Variants in GRM7 observed in about 807,000 individuals in gnomAD.
The protein encoded by GRM7 is glutamate metabotropic receptor 7.
A neutral mutation model predicts 84.5 loss-of-function variants in GRM7; 35 were observed. The observed-to-expected ratio is 0.41, with a 90% CI of 0.32 to 0.55. The LOEUF is 0.55. Ranked by LOEUF, GRM7 falls within the 20% of genes least tolerant of loss-of-function variation. The pLI, the probability that GRM7 is intolerant of heterozygous loss-of-function variation, is 0.19. For synonymous variants in GRM7, 487 were observed against 455.1 expected (o/e 1.07, Z -0.89); for missense variants, 1,003 against 1,194.6 (o/e 0.84, Z 2.36).
intron 8 of GRM7, among the ~76,000 whole-genome samples, chr3:7,615,626 C>G (rs1370365815): frequency 2.0e-5 from 3 of 152,010 alleles, no homozygotes; most frequent in Non-Finnish European, 4.4e-5. Flanking sequence ...GGGTATATTT[C>G]TATGTAGTCT....
chr3:7,644,637 G>A (rs956354557), intron 8 of GRM7, among the ~76,000 whole-genome samples: 5 of 152,186 alleles, frequency 3.3e-5, no homozygotes, highest in Non-Finnish European at 5.9e-5. Context: ...TGAAAGGGTA[G>A]TCCTGGGAAT....
intron 1 of GRM7, among the ~76,000 whole-genome samples, chr3:6,992,538 G>C (rs1694679438): frequency 6.6e-6 from 1 of 152,188 alleles, no homozygotes; most frequent in African/African-American, 2.4e-5. Context: ...ACTATTTACA[G>C]AGCTGTGGAT....
At chr3:6,994,537 T>A (rs769647025) in intron 1 of GRM7, among the ~76,000 whole-genome samples, 22 of 152,204 alleles carry the variant, frequency 1.4e-4, no homozygotes, top group Admixed American at 4.6e-4. Context: ...ATTGCCACAA[T>A]ATCTCAATGC....
intron 1 of GRM7, among the ~76,000 whole-genome samples, chr3:7,036,622 G>GTA (rs1401492518): frequency 9.9e-5 from 15 of 151,638 alleles, no homozygotes; most frequent in Non-Finnish European, 1.6e-4. Flanking sequence ...TTTATTTCAC[G>GTA]TGGGTTTTTT....
chr3:7,455,215 C>G (rs1697954855), intron 6 of GRM7, among the ~76,000 whole-genome samples: 1 of 152,022 alleles, frequency 6.6e-6, no homozygotes, highest in Non-Finnish European at 1.5e-5. Flanking sequence ...AGAGAATAGG[C>G]AGCATGATGG....
intron 1 of GRM7, among the ~76,000 whole-genome samples, chr3:6,992,822 C>G (rs1324634056): frequency 6.6e-6 from 1 of 152,170 alleles, no homozygotes; most frequent in Non-Finnish European, 1.5e-5. Flanking sequence ...CTGCTAGGTC[C>G]CATTGGTCAA....
intron 4 of GRM7, among the ~76,000 whole-genome samples, chr3:7,389,230 G>A (rs760804560): frequency 1.3e-5 from 2 of 152,100 alleles, no homozygotes; most frequent in East Asian, 3.8e-4. Context: ...TTGCATTGTG[G>A]TCTGAAAAGA....
intron 8 of GRM7, among the ~76,000 whole-genome samples, chr3:7,612,590 C>T (rs1416071839): frequency 6.6e-6 from 1 of 152,112 alleles, no homozygotes; most frequent in East Asian, 1.9e-4. Context: ...CTAAAGAGAC[C>T]TAATAGCTGT....
intron 4 of GRM7, among the ~76,000 whole-genome samples, chr3:7,364,011 A>G (rs546169862): frequency 1.3e-5 from 2 of 152,180 alleles, no homozygotes; most frequent in South Asian, 4.1e-4. Context: ...GTTGGGTGCT[A>G]TGTATATTAT....
At chr3:7,683,330 G>T (rs781762652) in intron 9 of GRM7, among the ~76,000 whole-genome samples, 9 of 152,074 alleles carry the variant, frequency 5.9e-5, no homozygotes, top group Non-Finnish European at 1.0e-4. Flanking sequence ...AGTTTCACTG[G>T]GTCTTTGTTG....
intron 1 of GRM7, among the ~76,000 whole-genome samples, chr3:7,018,139 G>A (rs1695643832): frequency 6.6e-6 from 1 of 152,144 alleles, no homozygotes. Flanking sequence ...CATTTTATTT[G>A]AATATATCCT....
At chr3:7,501,240 T>C (rs17720106) in intron 7 of GRM7, among the ~76,000 whole-genome samples, 18,328 of 152,218 alleles carry the variant, frequency 0.12, 1,182 homozygotes, top group African/African-American at 0.12. Context: ...GTTTTTGCCT[T>C]TGATGAAAAT....
intron 1 of GRM7, among the ~76,000 whole-genome samples, chr3:7,047,454 C>T (rs569901369): frequency 1.3e-5 from 2 of 152,192 alleles, no homozygotes; most frequent in South Asian, 4.1e-4. Context: ...AGTCCAACCA[C>T]CATCTCTCTC....
intron 4 of GRM7, among the ~76,000 whole-genome samples, chr3:7,328,283 T>C (rs1351058091): frequency 6.6e-6 from 1 of 152,210 alleles, no homozygotes; most frequent in East Asian, 1.9e-4. Flanking sequence ...ACACTGTGGA[T>C]ACCCTGATAA....
chr3:6,967,159 G>T (rs1446239977), intron 1 of GRM7, among the ~76,000 whole-genome samples: 2 of 151,998 alleles, frequency 1.3e-5, no homozygotes, highest in East Asian at 3.9e-4. Context: ...CTATAGTAAG[G>T]CCTTAATAAG....
At chr3:7,114,004 T>G (rs1692947122) in intron 1 of GRM7, among the ~76,000 whole-genome samples, 2 of 152,168 alleles carry the variant, frequency 1.3e-5, no homozygotes, top group African/African-American at 4.8e-5. Context: ...CAGATATTTA[T>G]CTGATTTCAA....
chr3:7,081,452 G>A (rs1698271924), intron 1 of GRM7, among the ~76,000 whole-genome samples: 1 of 152,038 alleles, frequency 6.6e-6, no homozygotes, highest in African/African-American at 2.4e-5. Flanking sequence ...TGTGTGTTCT[G>A]ACTATTCCAT....
intron 1 of GRM7, among the ~76,000 whole-genome samples, chr3:6,918,277 C>T (rs890468360): frequency 6.6e-6 from 1 of 152,142 alleles, no homozygotes; most frequent in African/African-American, 2.4e-5. Context: ...AAAGCTTAAG[C>T]CTTCAGTTCA....
chr3:7,251,736 T>G (rs1261196596), intron 2 of GRM7, among the ~76,000 whole-genome samples: 2 of 152,194 alleles, frequency 1.3e-5, no homozygotes, highest in Non-Finnish European at 2.9e-5. Flanking sequence ...GAACTCATTC[T>G]GTGTGCCCAA....
Sources: allele counts gnomAD v4.1 joint callset (sites outside exome capture counted in the v4.1 genomes callset), GRCh38; gene constraint gnomAD v4.1.1; transcripts MANE v1.5; gene names NCBI Gene and HGNC (gene_info 2026-07-23, HGNC 2026-07-21).